GRK4: variants seen among roughly 807,000 people sequenced by gnomAD.
GRK4 encodes the protein G protein-coupled receptor kinase 2-like.
Under a neutral mutation model 77.9 loss-of-function variants are expected in GRK4, and 73 were observed. That is an observed-to-expected ratio of 0.94 (90% CI 0.78 to 1.14). GRK4 has a LOEUF of 1.14. GRK4 is among the 50% of genes most tolerant of loss of function. The probability of loss-of-function intolerance (pLI) is 0.00; values close to 1 mark genes in which losing one functional copy is unlikely to be tolerated. For missense variants in GRK4, 729 were observed against 700.2 expected (o/e 1.04, Z -0.46); for synonymous variants, 257 against 254.4 (o/e 1.01, Z -0.10).
intron 10 of GRK4, among the ~76,000 whole-genome samples, chr4:3,023,838 G>A (rs1281005964): frequency 1.3e-5 from 2 of 152,230 alleles, no homozygotes; most frequent in Non-Finnish European, 2.9e-5. Flanking sequence ...AGGGTACGGT[G>A]CAGAGTGTGT....
chr4:3,014,207 CTG>C (rs914212431), intron 8 of GRK4, among the ~76,000 whole-genome samples: 18 of 151,862 alleles, frequency 1.2e-4, no homozygotes, highest in South Asian at 6.2e-4. Flanking sequence ...GAGCTTATCT[CTG>C]TTTGCTCTCA....
At chr4:3,035,235 A>G in intron 12 of GRK4, 151 bp from the exon 13 acceptor site, 1 of 771,484 alleles carries the variant, frequency 1.3e-6, no homozygotes, top group Non-Finnish European at 2.2e-6. Flanking sequence ...ACAGAACGAG[A>G]CTCCATCTCA....
intron 1 of GRK4, among the ~76,000 whole-genome samples, chr4:2,973,162 C>T (rs1048834524): frequency 2.0e-5 from 3 of 152,252 alleles, no homozygotes; most frequent in African/African-American, 7.2e-5. Flanking sequence ...TGTCTTGCTG[C>T]CCCCGTGGGC....
At chr4:3,018,958 C>T (rs904841629) in intron 8 of GRK4, among the ~76,000 whole-genome samples, 2 of 152,118 alleles carry the variant, frequency 1.3e-5, no homozygotes, top group Non-Finnish European at 2.9e-5. Context: ...TGTAAAGATG[C>T]TGGTTTTCCC....
In GRK4 at chr4:3,014,206, T is replaced by G. The variant is rs561502452; in HGVS notation, c.741+378T>G. ...TTATCACAGCCAGCCAGAGCTTATC[T>G]CTGTTTGCTCTCAGCCTCCAGTCAA... is the stretch of plus-strand genomic sequence containing the variant. On this transcript the variant is annotated intron_variant, in intron 8 of 15. Transcript: ENST00000398052. Among the ~76,000 whole-genome samples the G allele has an allele frequency of 5.9e-5, 9 of 152,118 alleles. No homozygotes were observed. The East Asian group carries it at 1.7e-3, about 29-fold the overall frequency.
chr4:2,999,122 A>G (rs992819128), intron 4 of GRK4, among the ~76,000 whole-genome samples: 7 of 152,224 alleles, frequency 4.6e-5, no homozygotes, highest in Non-Finnish European at 1.0e-4. Flanking sequence ...TGGGTAATTT[A>G]TAAAGAACAG....
rs1560321625 is a variant in GRK4, at chr4:2,963,963, A to G, written c.-108A>G. On this transcript the variant is annotated 5_prime_UTR_variant, in exon 1 of 16. Transcript: ENST00000398052. ...GGGATCGTGTCCGGAGCTCGAGGAG[A>G]GGGTGGTGCCCGGCGAGCTATGCAC... 1 of 981,342 alleles carries G rather than the reference A, an allele frequency of 1.0e-6. No homozygotes were observed. The highest frequency in any genetic ancestry group is 2.0e-5 in the Admixed American group (1 of 49,396). 60.8% of individuals were successfully genotyped at this position (981,342 alleles called of 1,614,324 possible). A position where few individuals can be genotyped will look rare whatever the true frequency, so the allele number is the denominator to read the frequency against.
intron 1 of GRK4, chr4:2,966,021 G>A (rs564944107): frequency 1.2e-3 from 199 of 160,822 alleles, no homozygotes; most frequent in Non-Finnish European, 1.5e-3. Flanking sequence ...TAATGCTGCA[G>A]AGATTAGATA....
chr4:3,033,060 G>A (rs1739600315), intron 12 of GRK4, among the ~76,000 whole-genome samples: 1 of 152,196 alleles, frequency 6.6e-6, no homozygotes. Context: ...TGCAGATTTG[G>A]TGTTGGTGAG....
intron 9 of GRK4, 90 bp from the exon 10 acceptor site, chr4:3,022,324 C>A: frequency 7.8e-7 from 1 of 1,275,972 alleles, no homozygotes; most frequent in Non-Finnish European, 1.1e-6. Flanking sequence ...CCGCGCTAGC[C>A]CTTGCTCACG....
chr4:3,032,537 C>G (rs2110068678), intron 12 of GRK4, among the ~76,000 whole-genome samples: 1 of 152,238 alleles, frequency 6.6e-6, no homozygotes, highest in South Asian at 2.1e-4. Context: ...GAAACAAAGG[C>G]TCAGGGGCTT....
chr4:3,004,527 C>G (rs1730746732), intron 5 of GRK4, among the ~76,000 whole-genome samples, 193 bp downstream of exon 5: 1 of 152,162 alleles, frequency 6.6e-6, no homozygotes, highest in Non-Finnish European at 1.5e-5. Flanking sequence ...TTGACTCCCC[C>G]AAAAGCTTAA....
chr4:2,996,589 T>C (rs2109738119), intron 4 of GRK4, among the ~76,000 whole-genome samples: 1 of 152,164 alleles, frequency 6.6e-6, no homozygotes, highest in East Asian at 1.9e-4. Flanking sequence ...TGGTCCTACC[T>C]CCCAATACTG....
intron 8 of GRK4, among the ~76,000 whole-genome samples, chr4:3,017,306 A>G (rs539116416): frequency 6.6e-6 from 1 of 152,102 alleles, no homozygotes; most frequent in Non-Finnish European, 1.5e-5. Context: ...CCCTCCCCAT[A>G]GGCAGTCTGT....
intron 8 of GRK4, among the ~76,000 whole-genome samples, chr4:3,014,584 A>T (rs988555744): frequency 2.0e-5 from 3 of 152,046 alleles, no homozygotes; most frequent in African/African-American, 7.2e-5. Flanking sequence ...ACCTGAGGTC[A>T]GGAGTTCGAG....
In GRK4 at chr4:3,001,089, A is replaced by ATATATATATATATATGTG; in HGVS notation, c.340-3141_340-3140insATATATATATATATGTGT. On this transcript the variant is annotated intron_variant, in intron 4 of 15. Transcript: ENST00000398052. ...TAAATGAGACTATATATATATATAT[A>ATATATATATATATATGTG]TGTGTGTGTGTGTGTGTATATATAT... Among the ~76,000 whole-genome samples, 80 of 82,428 alleles carry ATATATATATATATATGTG rather than the reference A, an allele frequency of 9.7e-4. 7 individuals are homozygous for ATATATATATATATATGTG. Among genetic ancestry groups the ATATATATATATATATGTG allele is most frequent in the African/African-American group, 4.3e-3 (74 of 17,210 alleles). The allele number at this position is 82,428 out of a possible 152,430, so 54.1% of individuals were successfully genotyped here. A position where few individuals can be genotyped will look rare whatever the true frequency, so the allele number is the denominator to read the frequency against.
chr4:2,990,864 T>C (rs1725946852), intron 3 of GRK4, among the ~76,000 whole-genome samples: 1 of 152,322 alleles, frequency 6.6e-6, no homozygotes, highest in African/African-American at 2.4e-5. Flanking sequence ...TCAGAAATAA[T>C]GTCTGATTGT....
rs1717439926 is a variant in GRK4 at position 2,965,710 on chromosome 4, G to A, written c.52+1588G>A. 8.3e-6 allele frequency: 4 copies of A among 479,566 alleles called. No individual in the cohort carries two copies. In the Admixed American group the frequency reaches 1.4e-4, roughly 17 times the overall value. 29.7% of individuals were successfully genotyped at this position (479,566 alleles called of 1,614,324 possible). A position where few individuals can be genotyped will look rare whatever the true frequency, so the allele number is the denominator to read the frequency against. On this transcript the variant is annotated intron_variant, in intron 1 of 15. Transcript: ENST00000398052. The stretch of plus-strand genomic sequence containing the variant: ...CTAAAACAAAGACTTCATCTTCTCA[G>A]TATTTTTGTGCACCAACTCACACTA...
intron 1 of GRK4, 41 bp from the exon 2 acceptor site, chr4:2,984,472 C>A: frequency 9.0e-7 from 1 of 1,106,172 alleles, no homozygotes; most frequent in Non-Finnish European, 1.4e-6. Flanking sequence ...TTGGATATTT[C>A]TGACTGTTAA....
Sources: gnomAD v4.1 joint callset for allele counts (sites outside exome capture counted in the v4.1 genomes callset) on GRCh38, gnomAD v4.1.1 for gene constraint, MANE v1.5 for transcripts, NCBI Gene and HGNC (gene_info 2026-07-23, HGNC 2026-07-21) for gene names.